The following GATAD1 variants were observed in gnomAD, a reference collection of about 807,000 sequenced individuals.
The protein encoded by GATAD1 is GATA zinc finger domain containing 1, also known as GATA zinc finger domain-containing protein 1.
Under a neutral mutation model 26.5 loss-of-function variants are expected in GATAD1, and 12 were observed. That is an observed-to-expected ratio of 0.45 (90% CI 0.29 to 0.73). The LOEUF (loss-of-function observed/expected upper bound fraction) is 0.73. Ranked by LOEUF, GATAD1 falls within the 30% of genes least tolerant of loss-of-function variation. GATAD1 has a pLI of 0.10. For synonymous variants in GATAD1, 129 were observed against 133.1 expected, an observed-to-expected ratio of 0.97 and a Z score of 0.21; for missense variants, 266 against 342.1, an observed-to-expected ratio of 0.78 and a Z score of 1.75.
At chr7:92,468,239 C>T in the GATAD1 span, 4 of 160,152 alleles carry the variant, frequency 2.5e-5, no homozygotes, top group South Asian at 3.5e-4. Context: ...ATGGGTGCCT[C>T]GCTGGATCAG....
At chr7:92,494,379 C>T in the GATAD1 span, 1 of 1,613,926 alleles carries the variant, frequency 6.2e-7, no homozygotes, top group South Asian at 1.1e-5. Flanking sequence ...CGACTAGTAG[C>T]AGCCAATACA....
At chr7:92,466,660 A>G in the GATAD1 span, among the ~76,000 whole-genome samples, 1 of 152,196 alleles carries the variant, frequency 6.6e-6, no homozygotes, top group Non-Finnish European at 1.5e-5. Context: ...AAATTTCACC[A>G]TTTTGTACAG....
downstream of GATAD1, among the ~76,000 whole-genome samples, chr7:92,462,343 C>T (rs1487550783): frequency 6.7e-6 from 1 of 149,082 alleles, no homozygotes. Context: ...AACCTGGACA[C>T]AACTACATAA....
chr7:92,472,782 GC>G, the GATAD1 span: 81 of 152,340 alleles, frequency 5.3e-4, no homozygotes, highest in African/African-American at 1.9e-3. Flanking sequence ...CTCACTGAGG[GC>G]CCTGGTGCCT....
At chr7:92,467,249 C>A in the GATAD1 span, among the ~76,000 whole-genome samples, 1 of 151,790 alleles carries the variant, frequency 6.6e-6, no homozygotes, top group African/African-American at 2.4e-5. Context: ...AACCCGGAGG[C>A]GGAGGTTGAG....
the GATAD1 span, among the ~76,000 whole-genome samples, chr7:92,466,966 A>G: frequency 2.0e-5 from 3 of 152,202 alleles, no homozygotes. Context: ...TGAGAAAGAC[A>G]TTCCTAGGTC....
At chr7:92,464,008 TA>T (rs1386587931), downstream of GATAD1, among the ~76,000 whole-genome samples, 1 of 152,180 alleles carries the variant, frequency 6.6e-6, no homozygotes, top group Non-Finnish European at 1.5e-5. Flanking sequence ...ATGCATATTT[TA>T]CCATAATCTT....
intron 3 of GATAD1, 138 bp from the exon 4 acceptor site, chr7:92,454,362 CAT>C (rs569662774): frequency 7.7e-4 from 514 of 664,468 alleles, no homozygotes; most frequent in Admixed American, 1.9e-3. Flanking sequence ...TGGCACCAAA[CAT>C]ATAAACACTG....
At chr7:92,469,274 C>T in the GATAD1 span, 1 of 764,354 alleles carries the variant, frequency 1.3e-6, no homozygotes, top group African/African-American at 1.7e-5. Context: ...TTAAGTTGAT[C>T]TTGCAAGGTG....
At chr7:92,468,335 G>T in the GATAD1 span, 1 of 173,290 alleles carries the variant, frequency 5.8e-6, no homozygotes, top group South Asian at 1.6e-4. Flanking sequence ...GGTGGATGGC[G>T]AGCGAAAGCT....
chr7:92,447,928 A>G lies in GATAD1; in HGVS notation c.199A>G (p.Ser67Gly), dbSNP rs1459264722. 7 of 1,245,774 alleles carry G rather than the reference A, an allele frequency of 5.6e-6. No homozygotes were observed. The highest frequency in any genetic ancestry group is 1.6e-5 in the African/African-American group (1 of 63,914). The allele number at this position is 1,245,774 out of a possible 1,614,324, so 77.2% of individuals were successfully genotyped here. The change falls in exon 1 of 5, where the codon AGC becomes GGC. Residue 67 changes from serine to glycine, a missense_variant. Coordinates refer to ENST00000287957, the MANE Select transcript of GATAD1 (RefSeq NM_021167.5). ...GGGFGAATFA[S>G]TSATPPQSNG... is the part of the protein sequence containing the mutation. The stretch of plus-strand genomic sequence containing the variant: ...CGGCTTCGGCGCGGCGACCTTCGCC[A>G]GCACCTCCGCCACCCCTCCGCAGAG...
the GATAD1 span, chr7:92,493,103 G>A: frequency 6.2e-7 from 1 of 1,607,590 alleles, no homozygotes; most frequent in Admixed American, 1.7e-5. Flanking sequence ...AGTCACTGAG[G>A]ACATTTAAAA....
the GATAD1 span, among the ~76,000 whole-genome samples, chr7:92,492,285 A>T: frequency 0.013 from 1,904 of 152,246 alleles, 50 homozygotes; most frequent in African/African-American, 0.044. Flanking sequence ...CTAGGACTAC[A>T]GGTATGTGCC....
chr7:92,470,497 G>A, the GATAD1 span: 2 of 596,418 alleles, frequency 3.4e-6, no homozygotes, highest in South Asian at 4.3e-5. Flanking sequence ...AGGTTCCTTT[G>A]GCAGTATCCA....
chr7:92,465,839 A>G, the GATAD1 span, among the ~76,000 whole-genome samples: 53 of 151,948 alleles, frequency 3.5e-4, no homozygotes, highest in African/African-American at 1.3e-3. Context: ...CGTCTCTACT[A>G]AAAATACAAA....
chr7:92,462,335 C>A (rs1789948359), downstream of GATAD1, among the ~76,000 whole-genome samples: 1 of 150,324 alleles, frequency 6.7e-6, no homozygotes, highest in Non-Finnish European at 1.5e-5. Flanking sequence ...TAGTGTAAAA[C>A]CTGGACACAA....
the GATAD1 span, among the ~76,000 whole-genome samples, chr7:92,490,893 T>C: frequency 2.6e-5 from 4 of 152,214 alleles, no homozygotes; most frequent in South Asian, 4.1e-4. Flanking sequence ...GATAACACTT[T>C]GTTTTCAGGA....
the GATAD1 span, among the ~76,000 whole-genome samples, chr7:92,478,349 G>A: frequency 6.6e-6 from 1 of 152,202 alleles, no homozygotes; most frequent in African/African-American, 2.4e-5. Flanking sequence ...TCACTCTCCA[G>A]AGAGTATAGG....
the GATAD1 span, chr7:92,472,418 A>G: frequency 6.6e-6 from 1 of 152,246 alleles, no homozygotes; most frequent in South Asian, 2.1e-4. Flanking sequence ...TTGCCACTAC[A>G]TCAATTTCCT....
Sources: allele counts gnomAD v4.1 joint callset (sites outside exome capture counted in the v4.1 genomes callset), GRCh38; gene constraint gnomAD v4.1.1; transcripts MANE v1.5; gene names NCBI Gene and HGNC (gene_info 2026-07-23, HGNC 2026-07-21).